CDK11B: variants seen among roughly 807,000 people sequenced by gnomAD.
The protein encoded by CDK11B is cyclin-dependent kinase 11B.
In CDK11B, 37 loss-of-function variants were observed where a neutral mutation model predicts 84.0. The ratio of observed to expected loss-of-function variants is 0.44; its 90% CI spans 0.34 to 0.58. The LOEUF (loss-of-function observed/expected upper bound fraction) is 0.58. Ranked by LOEUF, CDK11B falls within the 20% of genes least tolerant of loss-of-function variation. The probability of loss-of-function intolerance (pLI) is 0.02; values close to 1 mark genes in which losing one functional copy is unlikely to be tolerated. For missense variants in CDK11B, 427 were observed against 834.0 expected (o/e 0.51, Z 6.01); for synonymous variants, 269 against 309.8 (o/e 0.87, Z 1.38).
chr1:1,644,428 CAGA>C (rs1222394343), intron 6 of CDK11B, among the ~76,000 whole-genome samples: 3 of 128,802 alleles, frequency 2.3e-5, no homozygotes, highest in African/African-American at 3.3e-5. Context: ...GCCTGGGCAA[CAGA>C]AGAAGACTCT....
At chr1:1,650,060 T>TCAG (rs1453353662) in intron 4 of CDK11B, among the ~76,000 whole-genome samples, 4 of 148,256 alleles carry the variant, frequency 2.7e-5, no homozygotes, top group African/African-American at 5.0e-5. Flanking sequence ...GATCACAAGG[T>TCAG]CAGATCGGGA....
chr1:1,637,200 C>A lies in CDK11B; in HGVS notation c.1573G>T (p.Glu525Ter). 1 of 1,613,268 alleles carries A rather than the reference C, an allele frequency of 6.2e-7. No homozygotes were observed. The highest frequency in any genetic ancestry group is 8.5e-7 in the Non-Finnish European group (1 of 1,179,806). ...ETMKQPFLPG[E>*]VKTLMIQLLR... ...AGCTGGATCATCAGGGTCTTCACCT[C>A]CCCTGGGAGGGAGGGAAGCTCCCAT... Residue 525 changes from glutamate (E) to a stop codon, truncating the protein, a stop_gained and splice_region_variant, in exon 15 of 20, where the codon GAG becomes TAG. Coordinates refer to ENST00000341832, the MANE Select transcript of CDK11B (RefSeq NM_033486.3). LOFTEE classifies it high-confidence loss of function.
At chr1:1,655,044 C>A (rs769166855) in intron 3 of CDK11B, among the ~76,000 whole-genome samples, 12 of 152,116 alleles carry the variant, frequency 7.9e-5, no homozygotes, top group Non-Finnish European at 1.8e-4. Flanking sequence ...GCCTTGGCCT[C>A]CGAAAGTGCT....
intron 6 of CDK11B, among the ~76,000 whole-genome samples, chr1:1,644,685 G>A (rs1334904484): frequency 2.6e-4 from 39 of 151,922 alleles, no homozygotes; most frequent in South Asian, 4.2e-4. Context: ...AGGTGAGGAC[G>A]TGGGTGACTA....
At chr1:1,650,252 A>C (rs1301592999) in intron 4 of CDK11B, among the ~76,000 whole-genome samples, 1 of 134,920 alleles carries the variant, frequency 7.4e-6, no homozygotes, top group Non-Finnish European at 1.5e-5. Context: ...CCTGGGTGAC[A>C]AGCAAGACTC....
chr1:1,655,829 C>T (rs1287639102), intron 2 of CDK11B, among the ~76,000 whole-genome samples: 1 of 151,630 alleles, frequency 6.6e-6, no homozygotes, highest in East Asian at 1.9e-4. Flanking sequence ...ATTGCAGTGA[C>T]CCGAGATCAC....
At chr1:1,636,551 G>C in intron 17 of CDK11B, 70 bp from the exon 18 acceptor site, 1 of 1,575,774 alleles carries the variant, frequency 6.3e-7, no homozygotes, top group Non-Finnish European at 8.6e-7. Context: ...TCCCGTCAGA[G>C]AAGACAAGCC....
At chr1:1,639,374 G>A (rs1197764717) in intron 11 of CDK11B, among the ~76,000 whole-genome samples, 2 of 151,684 alleles carry the variant, frequency 1.3e-5, no homozygotes, top group Admixed American at 6.6e-5. Flanking sequence ...CTATGATTAA[G>A]CCACTCCACT....
intron 14 of CDK11B, 22 bp downstream of exon 14, chr1:1,637,386 G>C (rs1639523274): frequency 6.2e-7 from 1 of 1,609,748 alleles, no homozygotes; most frequent in African/African-American, 1.3e-5. Flanking sequence ...TACGCAGACA[G>C]GCCCCTGGGG....
At chr1:1,657,984 C>A (rs1244685885) in intron 1 of CDK11B, among the ~76,000 whole-genome samples, 3 of 149,714 alleles carry the variant, frequency 2.0e-5, no homozygotes, top group African/African-American at 7.5e-5. Flanking sequence ...ACCAGCCTGG[C>A]CAACACGGCG....
chr1:1,654,938 G>A (rs1270621273), intron 3 of CDK11B, among the ~76,000 whole-genome samples: 16 of 152,096 alleles, frequency 1.1e-4, no homozygotes, highest in Non-Finnish European at 2.9e-5. Context: ...GATTACAGGC[G>A]TGAGCCACCG....
In CDK11B at chr1:1,649,954, CA is replaced by C. The variant is rs1294913578; in HGVS notation, c.356-318del. The stretch of plus-strand genomic sequence containing the variant: ...TCACGCCACTGCACTACAGCCTGGG[CA>C]AAAAAAAAAAAAAAACCCACGTGAA... On this transcript the variant is annotated intron_variant, in intron 4 of 19. Transcript: ENST00000341832. 4.4e-3 allele frequency among the ~76,000 whole-genome samples: 388 copies of C among 87,452 alleles called. 2 individuals carry two copies. Among genetic ancestry groups the C allele is most frequent in the African/African-American group, 0.012 (237 of 19,764 alleles). 57.4% of individuals were successfully genotyped at this position (87,452 alleles called of 152,430 possible). A position where few individuals can be genotyped will look rare whatever the true frequency, so the allele number is the denominator to read the frequency against.
At chr1:1,637,370 C>A (rs749784064) in intron 14 of CDK11B, 38 bp downstream of exon 14, 55 of 1,602,838 alleles carry the variant, frequency 3.4e-5, no homozygotes, top group South Asian at 5.6e-5. Context: ...ACCCTGCCCC[C>A]ACTTGTACGC....
Position 1,657,504 on chromosome 1 carries a change from A to G in CDK11B, c.-13-6T>C. The G allele has an allele frequency of 6.7e-7, 1 of 1,502,124 alleles. No homozygotes were observed. The highest frequency in any genetic ancestry group is 8.9e-7 in the Non-Finnish European group (1 of 1,121,914). The allele number at this position is 1,502,124 out of a possible 1,614,324, so 93.0% of individuals were successfully genotyped here. ...CACCCATTTGAGTTAAAACACTGCA[A>G]AAAGAAAAATAATTCAGCCTACATC... is the stretch of plus-strand genomic sequence containing the variant. On this transcript the variant is annotated splice_polypyrimidine_tract_variant and splice_region_variant and intron_variant, in intron 1 of 19. Coordinates refer to ENST00000341832, the MANE Select transcript of CDK11B (RefSeq NM_033486.3).
chr1:1,643,668 G>A (rs1207468826), intron 6 of CDK11B, among the ~76,000 whole-genome samples: 5 of 144,680 alleles, frequency 3.5e-5, no homozygotes, highest in Non-Finnish European at 5.9e-5. Context: ...CAAGAAACCA[G>A]AGAGAAATTC....
chr1:1,648,572 G>A (rs1409835531), intron 5 of CDK11B, among the ~76,000 whole-genome samples: 9 of 151,346 alleles, frequency 5.9e-5, no homozygotes, highest in African/African-American at 2.2e-4. Flanking sequence ...GCTTTCTGTG[G>A]ACTCACTCTG....
chr1:1,637,348 G>A, intron 14 of CDK11B, 60 bp downstream of exon 14: 2 of 1,588,272 alleles, frequency 1.3e-6, no homozygotes, highest in African/African-American at 1.3e-5. Flanking sequence ...TGTCACCGCG[G>A]GGGTGACCAG....
intron 6 of CDK11B, among the ~76,000 whole-genome samples, chr1:1,643,461 C>G (rs1477130794): frequency 6.6e-6 from 1 of 151,556 alleles, no homozygotes; most frequent in Non-Finnish European, 1.5e-5. Context: ...AGAAATAGGA[C>G]AGTATGTCCC....
chr1:1,657,111 G>A, intron 2 of CDK11B: 1 of 1,077,246 alleles, frequency 9.3e-7, no homozygotes, highest in Non-Finnish European at 1.4e-6. Context: ...AATTAGTCCA[G>A]TTTTGCTAAT....
Sources: gnomAD v4.1 joint callset for allele counts (sites outside exome capture counted in the v4.1 genomes callset) on GRCh38, gnomAD v4.1.1 for gene constraint, MANE v1.5 for transcripts, NCBI Gene and HGNC (gene_info 2026-07-23, HGNC 2026-07-21) for gene names.